Variants in PRKCH observed in about 807,000 individuals in gnomAD.
PRKCH encodes the protein protein kinase C eta type.
A neutral mutation model predicts 82.5 loss-of-function variants in PRKCH; 28 were observed. The observed-to-expected ratio is 0.34, with a 90% CI of 0.25 to 0.47. The LOEUF is 0.47. PRKCH is among the 20% of genes least tolerant of loss of function. PRKCH has a pLI of 1.00. For missense variants in PRKCH, 705 were observed against 881.8 expected, an observed-to-expected ratio of 0.80 and a Z score of 2.54; for synonymous variants, 322 against 327.4, an observed-to-expected ratio of 0.98 and a Z score of 0.18.
At chr14:61,472,304 T>C (rs986820342) in intron 9 of PRKCH, among the ~76,000 whole-genome samples, 6 of 152,258 alleles carry the variant, frequency 3.9e-5, no homozygotes, top group African/African-American at 1.2e-4. Context: ...TGTTTTAGCA[T>C]TTAATAATTA....
At chr14:61,398,819 A>G (rs1382333335) in intron 2 of PRKCH, among the ~76,000 whole-genome samples, 1 of 152,066 alleles carries the variant, frequency 6.6e-6, no homozygotes, top group African/African-American at 2.4e-5. Flanking sequence ...GGAAGAAAAA[A>G]GTAAAGGAAA....
At chr14:61,495,997 G>A (rs772176303) in intron 10 of PRKCH, among the ~76,000 whole-genome samples, 9 of 152,226 alleles carry the variant, frequency 5.9e-5, no homozygotes, top group Non-Finnish European at 1.0e-4. Context: ...CTAAGGATGG[G>A]AGGAGGCAGC....
At chr14:61,232,854 C>A (rs945735724) in intron 1 of PRKCH, among the ~76,000 whole-genome samples, 2 of 152,144 alleles carry the variant, frequency 1.3e-5, no homozygotes, top group Admixed American at 1.3e-4. Context: ...TGTGACCGTA[C>A]CCCATCCTGA....
chr14:61,230,924 A>G (rs1364487920), intron 1 of PRKCH, among the ~76,000 whole-genome samples: 1 of 152,258 alleles, frequency 6.6e-6, no homozygotes, highest in Non-Finnish European at 1.5e-5. Context: ...CTTCTACCCC[A>G]GGGTGTCCTC....
chr14:61,488,077 G>T (rs1016631658), intron 10 of PRKCH, among the ~76,000 whole-genome samples: 1 of 151,926 alleles, frequency 6.6e-6, no homozygotes, highest in African/African-American at 2.4e-5. Flanking sequence ...AGTGTGAACC[G>T]CAGGGGGCGG....
intron 10 of PRKCH, among the ~76,000 whole-genome samples, chr14:61,493,861 G>GA (rs1184560734): frequency 6.6e-6 from 1 of 151,622 alleles, no homozygotes; most frequent in Non-Finnish European, 1.5e-5. Context: ...TAGGGCTGAT[G>GA]AGAAAGGCAT....
intron 1 of PRKCH, among the ~76,000 whole-genome samples, chr14:61,217,943 C>T (rs1240314420): frequency 6.6e-6 from 1 of 152,156 alleles, no homozygotes; most frequent in Non-Finnish European, 1.5e-5. Flanking sequence ...TGTCTTGGAA[C>T]CATATGAAGA....
chr14:61,394,036 T>C (rs2046729631), intron 2 of PRKCH, among the ~76,000 whole-genome samples: 1 of 152,214 alleles, frequency 6.6e-6, no homozygotes, highest in African/African-American at 2.4e-5. Flanking sequence ...TAAAACCTCA[T>C]GAAGATTTTT....
At chr14:61,465,779 A>G (rs548555278) in intron 9 of PRKCH, among the ~76,000 whole-genome samples, 1 of 152,332 alleles carries the variant, frequency 6.6e-6, no homozygotes, top group East Asian at 1.9e-4. Flanking sequence ...ATAATATACT[A>G]TTTGATGAGA....
At chr14:61,499,482 C>T (rs1594765448) in intron 10 of PRKCH, among the ~76,000 whole-genome samples, 1 of 152,078 alleles carries the variant, frequency 6.6e-6, no homozygotes, top group Admixed American at 6.5e-5. Flanking sequence ...GGGAAGGTGG[C>T]GCTTTGACTG....
intron 2 of PRKCH, among the ~76,000 whole-genome samples, chr14:61,433,606 G>C (rs1883526965): frequency 6.6e-6 from 1 of 152,128 alleles, no homozygotes; most frequent in South Asian, 2.1e-4. Flanking sequence ...AAACAGAGGA[G>C]CCCTGCTTTC....
intron 1 of PRKCH, among the ~76,000 whole-genome samples, chr14:61,223,996 A>G (rs2044675429): frequency 6.6e-6 from 1 of 152,234 alleles, no homozygotes; most frequent in Non-Finnish European, 1.5e-5. Context: ...CAAGCAGGCT[A>G]CAGAGCCAGG....
chr14:61,520,089 A>G (rs1400577045), intron 10 of PRKCH, among the ~76,000 whole-genome samples: 1 of 150,126 alleles, frequency 6.7e-6, no homozygotes, highest in Non-Finnish European at 1.5e-5. Flanking sequence ...AAAAAAAAAA[A>G]AGAAAGAAAG....
intron 1 of PRKCH, among the ~76,000 whole-genome samples, chr14:61,340,183 C>A (rs1275049027): frequency 3.9e-5 from 6 of 152,116 alleles, no homozygotes; most frequent in African/African-American, 1.4e-4. Context: ...CAGGAGACTG[C>A]GCTGGCGAAG....
intron 2 of PRKCH, among the ~76,000 whole-genome samples, chr14:61,422,900 A>T (rs975915057): frequency 6.6e-6 from 1 of 152,110 alleles, no homozygotes; most frequent in Non-Finnish European, 1.5e-5. Context: ...CACATACTTG[A>T]TCTCATTCAT....
chr14:61,234,019 A>G (rs1408229261), intron 1 of PRKCH, among the ~76,000 whole-genome samples: 1 of 152,180 alleles, frequency 6.6e-6, no homozygotes, highest in Admixed American at 6.5e-5. Flanking sequence ...GTCCTGGTCT[A>G]CACCACAGGT....
At chr14:61,529,365 G>A in intron 11 of PRKCH, 152 bp downstream of exon 11, 2 of 808,594 alleles carry the variant, frequency 2.5e-6, no homozygotes, top group Non-Finnish European at 3.4e-6. Flanking sequence ...ATGGCTCATT[G>A]GGTGAATGAT....
At chr14:61,187,845 G>A (rs1352634565) in intron 1 of PRKCH, among the ~76,000 whole-genome samples, 3 of 152,164 alleles carry the variant, frequency 2.0e-5, no homozygotes, top group South Asian at 2.1e-4. Flanking sequence ...CACTGCATGC[G>A]GGGTGGGAAG....
chr14:61,204,851 A>T (rs1210185436), intron 1 of PRKCH, among the ~76,000 whole-genome samples: 1 of 152,120 alleles, frequency 6.6e-6, no homozygotes, highest in Non-Finnish European at 1.5e-5. Context: ...AACTAAAAAC[A>T]AGTTTAAATG....
Sources: gnomAD v4.1 joint callset for allele counts (sites outside exome capture counted in the v4.1 genomes callset) on GRCh38, gnomAD v4.1.1 for gene constraint, MANE v1.5 for transcripts, NCBI Gene and HGNC (gene_info 2026-07-23, HGNC 2026-07-21) for gene names.